WDR72: variants seen among roughly 807,000 people sequenced by gnomAD.
The protein encoded by WDR72 is WD repeat domain 72.
In WDR72, 120 loss-of-function variants were observed where a neutral mutation model predicts 124.2. The observed-to-expected ratio is 0.97, with a 90% confidence interval of 0.83 to 1.12. The LOEUF (loss-of-function observed/expected upper bound fraction) is 1.12, where lower values mean the gene tolerates loss of function less well. Ranked by LOEUF, WDR72 falls within the 50% of genes most tolerant of loss-of-function variation. The pLI, the probability that WDR72 is intolerant of heterozygous loss-of-function variation, is 0.00. For missense variants in WDR72, 1,387 were observed against 1,278.8 expected (o/e 1.08, Z -1.29); for synonymous variants, 452 against 441.7 (o/e 1.02, Z -0.29).
At chr15:53,564,248 T>C (rs1215261942) in intron 18 of WDR72, among the ~76,000 whole-genome samples, 3 of 151,828 alleles carry the variant, frequency 2.0e-5, no homozygotes, top group Non-Finnish European at 2.9e-5. Flanking sequence ...TTGATTTTTT[T>C]GGAGGCAAAT....
intron 17 of WDR72, among the ~76,000 whole-genome samples, chr15:53,597,516 T>G (rs2012836397): frequency 6.6e-6 from 1 of 152,156 alleles, no homozygotes. Context: ...GGGCATTTTT[T>G]AAAGTCCAGA....
intron 18 of WDR72, among the ~76,000 whole-genome samples, chr15:53,545,067 C>G (rs888169712): frequency 4.1e-5 from 6 of 147,872 alleles, no homozygotes; most frequent in African/African-American, 1.5e-4. Flanking sequence ...GAATCAATAT[C>G]GTGAAAATGG....
chr15:53,668,974 G>GAAGAGA (rs763665064), intron 13 of WDR72, among the ~76,000 whole-genome samples: 5 of 112,864 alleles, frequency 4.4e-5, no homozygotes, highest in African/African-American at 1.7e-4. Context: ...GGAGGAGGAG[G>GAAGAGA]AGGAGAAGGA....
chr15:53,587,948 G>T (rs1339084955), intron 18 of WDR72, among the ~76,000 whole-genome samples: 2 of 151,976 alleles, frequency 1.3e-5, no homozygotes, highest in African/African-American at 2.4e-5. Flanking sequence ...GAAGTACTCT[G>T]CCTTGGTTTT....
At chr15:53,684,357 G>C (rs71474840) in intron 13 of WDR72, 1 of 154,318 alleles carries the variant, frequency 6.5e-6, no homozygotes, top group Non-Finnish European at 1.4e-5. Context: ...TGTGCGCACC[G>C]TGCATGAGCC....
chr15:53,524,608 T>G lies in WDR72; in HGVS notation c.3149-1286A>C, dbSNP rs543564509. On this transcript the variant is annotated intron_variant, in intron 18 of 19. Coordinates refer to ENST00000360509, the MANE Select transcript of WDR72 (RefSeq NM_182758.4). ...AACCTGAAGACCACACGGACAAACT[T>G]TAGAGAAGACTAGTAACATGATTCT... 2.0e-4 allele frequency among the ~76,000 whole-genome samples: 30 copies of G among 152,190 alleles called. 1 individual carries two copies. In the East Asian group the frequency reaches 5.8e-3, roughly 30 times the overall value.
chr15:53,619,499 G>T (rs1486195117), intron 14 of WDR72, among the ~76,000 whole-genome samples: 1 of 151,950 alleles, frequency 6.6e-6, no homozygotes, highest in Non-Finnish European at 1.5e-5. Context: ...TTAAGCAAAA[G>T]TACTTTCCCC....
At chr15:53,685,774 T>C (rs1436536651) in intron 13 of WDR72, among the ~76,000 whole-genome samples, 2 of 148,792 alleles carry the variant, frequency 1.3e-5, no homozygotes, top group Non-Finnish European at 3.0e-5. Context: ...TTCACCAAAG[T>C]TGAAATGAGG....
At chr15:53,668,957 AGGAGAAGGAGGAG>A (rs2015882071) in intron 13 of WDR72, among the ~76,000 whole-genome samples, 1 of 17,724 alleles carries the variant, frequency 5.6e-5, no homozygotes, top group South Asian at 5.4e-3. Context: ...CAGGAGGAGG[AGGAGAAGGAGGAG>A]GAGGAGGAGA....
chr15:53,565,968 G>A (rs1894282857), intron 18 of WDR72, among the ~76,000 whole-genome samples: 1 of 151,966 alleles, frequency 6.6e-6, no homozygotes. Context: ...TTTAAGAGAA[G>A]GAACGCTCTG....
chr15:53,656,735 C>A (rs1595824332), intron 14 of WDR72, among the ~76,000 whole-genome samples: 1 of 151,680 alleles, frequency 6.6e-6, no homozygotes, highest in East Asian at 1.9e-4. Flanking sequence ...CAGAAAATAC[C>A]ATCCAGTGCA....
intron 3 of WDR72, among the ~76,000 whole-genome samples, chr15:53,717,612 A>G (rs994347088): frequency 3.3e-5 from 5 of 152,100 alleles, no homozygotes; most frequent in African/African-American, 1.2e-4. Flanking sequence ...TTCCAAGGAC[A>G]CTTGGTAATA....
At chr15:53,521,996 G>A (rs1046581112) in intron 19 of WDR72, among the ~76,000 whole-genome samples, 1 of 151,990 alleles carries the variant, frequency 6.6e-6, no homozygotes, top group African/African-American at 2.4e-5. Context: ...TTCTGTCACT[G>A]CTAAAGATGC....
At chr15:53,526,976 TA>T (rs1478619745) in intron 18 of WDR72, among the ~76,000 whole-genome samples, 7 of 152,098 alleles carry the variant, frequency 4.6e-5, no homozygotes, top group Non-Finnish European at 7.4e-5. Flanking sequence ...GCCAGTGTTC[TA>T]AATATCTTTG....
chr15:53,712,718 C>T (rs994024146), intron 7 of WDR72, 54 bp downstream of exon 7: 2 of 1,551,548 alleles, frequency 1.3e-6, no homozygotes, highest in East Asian at 2.3e-5. Context: ...TTGTACAAAA[C>T]AAAAAAAATT....
chr15:53,741,731 A>AT (rs145376508), intron 1 of WDR72, among the ~76,000 whole-genome samples: 3,258 of 145,666 alleles, frequency 0.022, 82 homozygotes, highest in African/African-American at 0.062. Context: ...TGTGATCCAG[A>AT]TTTTTTTTTT....
intron 18 of WDR72, among the ~76,000 whole-genome samples, chr15:53,539,713 T>C (rs990581268): frequency 3.3e-4 from 50 of 151,616 alleles, no homozygotes; most frequent in Non-Finnish European, 2.9e-5. Context: ...AAGAGAGATT[T>C]TGAGGAAAAT....
At chr15:53,570,101 C>G (rs987677442) in intron 18 of WDR72, among the ~76,000 whole-genome samples, 4 of 152,014 alleles carry the variant, frequency 2.6e-5, no homozygotes, top group Admixed American at 2.6e-4. Context: ...TACACTCCCC[C>G]CTTTTTTCCA....
Position 53,576,946 on chromosome 15 carries a change from A to G in WDR72, c.3148+20133T>C, listed in dbSNP as rs368350771. 1.2e-4 allele frequency among the ~76,000 whole-genome samples: 19 copies of G among 152,246 alleles called. No individual in the cohort carries two copies. The East Asian group carries it at 3.1e-3, about 25-fold the overall frequency. On this transcript the variant is annotated intron_variant, in intron 18 of 19. Coordinates refer to ENST00000360509, the MANE Select transcript of WDR72 (RefSeq NM_182758.4). ...TTGTTTGGTTTGTTCTCTGTAAAGC[A>G]TTGTCTAAGTCAAACAGAATGTACT...
Sources: allele counts gnomAD v4.1 joint callset (sites outside exome capture counted in the v4.1 genomes callset), GRCh38; gene constraint gnomAD v4.1.1; transcripts MANE v1.5; gene names NCBI Gene and HGNC (gene_info 2026-07-23, HGNC 2026-07-21).